Variants in NDFIP1 observed in about 807,000 individuals in gnomAD.
NDFIP1 encodes the protein NEDD4 family-interacting protein 1.
In NDFIP1, 7 loss-of-function variants were observed where a neutral mutation model predicts 28.8. That is an observed-to-expected ratio of 0.24 (90% CI 0.14 to 0.46). The LOEUF (loss-of-function observed/expected upper bound fraction) is 0.46, where lower values mean the gene tolerates loss of function less well. Ranked by LOEUF, NDFIP1 falls within the 20% of genes least tolerant of loss-of-function variation. NDFIP1 has a pLI of 0.99. For synonymous variants in NDFIP1, 92 were observed against 101.0 expected, an observed-to-expected ratio of 0.91 and a Z score of 0.53; for missense variants, 194 against 269.1, an observed-to-expected ratio of 0.72 and a Z score of 1.95.
In NDFIP1 at chr5:142,153,710, A is replaced by G. The variant is rs1358733969; in HGVS notation, c.*1982A>G. 2 of 255,076 alleles carry G rather than the reference A, an allele frequency of 7.8e-6. No homozygotes were observed. Among genetic ancestry groups the G allele is most frequent in the Non-Finnish European group, 1.6e-5 (2 of 127,770 alleles). The allele number at this position is 255,076 out of a possible 1,614,324, so 15.8% of individuals were successfully genotyped here. On this transcript the variant is annotated 3_prime_UTR_variant, in exon 8 of 8. Transcript: ENST00000253814. ...TTCCAGAATGAAAAGATCTGTAACA[A>G]TCTGAATAGATGTGGACACATATAG...
chr5:142,143,808 C>T lies in NDFIP1; in HGVS notation c.563-763C>T, dbSNP rs75795591. 887 of 152,214 alleles carry T rather than the reference C, an allele frequency of 5.8e-3. 6 individuals are homozygous for T. The highest frequency in any genetic ancestry group is 0.017 in the Middle Eastern group (5 of 294). The allele number at this position is 152,214 out of a possible 1,614,324, so 9.4% of individuals were successfully genotyped here. On this transcript the variant is annotated intron_variant, in intron 6 of 7. Transcript: ENST00000253814. ...TTGAGCCTAGGAGTTGAAGGCCAGC[C>T]TGAGCAACATAGCGAGACCCCTATC...
At chr5:142,115,518 C>A (rs927293261) in intron 1 of NDFIP1, among the ~76,000 whole-genome samples, 2 of 152,094 alleles carry the variant, frequency 1.3e-5, no homozygotes, top group Non-Finnish European at 2.9e-5. Context: ...CTCCTGACCT[C>A]AAGTGATCTG....
chr5:142,111,450 C>T, intron 1 of NDFIP1, among the ~76,000 whole-genome samples: 1 of 152,022 alleles, frequency 6.6e-6, no homozygotes. Flanking sequence ...ACGTCTTCAA[C>T]CGTTTCCTTA....
intron 3 of NDFIP1, among the ~76,000 whole-genome samples, chr5:142,134,419 T>C (rs1220087066): frequency 2.0e-5 from 3 of 152,230 alleles, no homozygotes; most frequent in Non-Finnish European, 2.9e-5. Context: ...GAATACTAGG[T>C]ATTTAATGTT....
chr5:142,148,199 T>A lies in NDFIP1; in HGVS notation c.*2+3523T>A, dbSNP rs536540010. Among the ~76,000 whole-genome samples the A allele has an allele frequency of 1.7e-4, 26 of 152,324 alleles. 1 individual carries two copies. Among genetic ancestry groups the A allele is most frequent in the South Asian group, 1.4e-3 (7 of 4,828 alleles). ...AGAATAGTGACTTTTCTAGTCAGGCTACCTGAAATATAGTACAAATAAACC... is the reference window on the plus strand; with the variant it reads ...AGAATAGTGACTTTTCTAGTCAGGCAACCTGAAATATAGTACAAATAAACC... On this transcript the variant is annotated intron_variant, in intron 7 of 7. Transcript: ENST00000253814.
intron 5 of NDFIP1, among the ~76,000 whole-genome samples, chr5:142,138,393 A>G (rs150206917): frequency 1.8e-4 from 27 of 152,368 alleles, no homozygotes; most frequent in Non-Finnish European, 3.2e-4. Flanking sequence ...GTATGTCTTT[A>G]GTGACTTCAG....
intron 1 of NDFIP1, among the ~76,000 whole-genome samples, chr5:142,110,603 G>C (rs1257793013): frequency 6.6e-6 from 1 of 151,608 alleles, no homozygotes; most frequent in Non-Finnish European, 1.5e-5. Context: ...CAGAATTGAA[G>C]TATAAAAAAA....
intron 1 of NDFIP1, among the ~76,000 whole-genome samples, chr5:142,123,256 C>T (rs973088575): frequency 1.3e-5 from 2 of 152,044 alleles, no homozygotes; most frequent in African/African-American, 4.8e-5. Context: ...AGCCACTGTG[C>T]CTGGCCCAAA....
chr5:142,114,878 A>G (rs1028257144), intron 1 of NDFIP1, among the ~76,000 whole-genome samples: 4 of 152,144 alleles, frequency 2.6e-5, no homozygotes, highest in Admixed American at 6.6e-5. Context: ...ACCTGATCCC[A>G]TGGGTGACCA....
chr5:142,137,404 C>T (rs1757287909), intron 4 of NDFIP1, among the ~76,000 whole-genome samples: 1 of 152,092 alleles, frequency 6.6e-6, no homozygotes, highest in Admixed American at 6.6e-5. Flanking sequence ...AGGCTGGTCT[C>T]AAACTGCTGG....
At chr5:142,123,368 A>C (rs1757139967) in intron 1 of NDFIP1, among the ~76,000 whole-genome samples, 1 of 152,126 alleles carries the variant, frequency 6.6e-6, no homozygotes, top group Non-Finnish European at 1.5e-5. Context: ...TCCTGGGCTC[A>C]AGCAGTCCTT....
At chr5:142,140,765 TTGCTTTC>T in intron 6 of NDFIP1, 136 bp downstream of exon 6, 1 of 695,902 alleles carries the variant, frequency 1.4e-6, no homozygotes, top group Non-Finnish European at 2.2e-6. Flanking sequence ...TTTTAAAATG[TTGCTTTC>T]TTAAAAATAG....
At position 142,112,254 on chromosome 5, in the gene NDFIP1, G is replaced by A. The variant is rs184700248; in HGVS notation, c.63+3217G>A. 7.6e-3 allele frequency among the ~76,000 whole-genome samples: 1,112 copies of A among 146,162 alleles called. 10 individuals are homozygous for A. The highest frequency in any genetic ancestry group is 0.027 in the African/African-American group (1,050 of 39,432). On this transcript the variant is annotated intron_variant, in intron 1 of 7. Transcript: ENST00000253814. ...ACAAAAATTAGCTGGGCGTGGTGGC[G>A]TGCACCTGTAGTCCCAGCTACTCAG...
intron 6 of NDFIP1, chr5:142,142,968 T>TATATATATATATATATA (rs1757352438): frequency 5.5e-5 from 7 of 127,976 alleles, no homozygotes; most frequent in African/African-American, 8.6e-5. Flanking sequence ...TATATATATA[T>TATATATATATATATATA]TAATAAGAGT....
At chr5:142,121,918 A>G (rs1307151865) in intron 1 of NDFIP1, among the ~76,000 whole-genome samples, 1 of 152,210 alleles carries the variant, frequency 6.6e-6, no homozygotes, top group Non-Finnish European at 1.5e-5. Flanking sequence ...ATGCTGTGCC[A>G]CTCACTGGTA....
At position 142,140,628 on chromosome 5, in the gene NDFIP1, A is replaced by C. The variant is rs766779149; in HGVS notation, c.561A>C (p.Leu187Phe). The change falls in exon 6 of 8, where the codon TTA (leucine) becomes TTC (phenylalanine). Residue 187 changes from leucine to phenylalanine, a missense_variant and splice_region_variant. By Grantham distance (22) the Leu-to-Phe change is conservative (BLOSUM62 0). Transcript: ENST00000253814. ...QYWLWWVFLV[L>F]GFLLFLRGFI... ...GGCTCTGGTGGGTGTTCCTTGTTTT[A>C]GGTAAGTGTTTTTAATGTAAGAAAA... The C allele has an allele frequency of 1.2e-6, 2 of 1,608,644 alleles. No individual in the cohort carries two copies. The highest frequency in any genetic ancestry group is 2.2e-5 in the South Asian group (2 of 89,418).
rs1435571865 is a variant in NDFIP1, at chr5:142,153,234, AGTT to A, written c.*1510_*1512del. 5 of 454,098 alleles carry A rather than the reference AGTT, an allele frequency of 1.1e-5. No homozygotes were observed. In the Admixed American group the frequency reaches 1.2e-4, roughly 11 times the overall value. 28.1% of individuals were successfully genotyped at this position (454,098 alleles called of 1,614,324 possible). A position where few individuals can be genotyped will look rare whatever the true frequency, so the allele number is the denominator to read the frequency against. On this transcript the variant is annotated 3_prime_UTR_variant, in exon 8 of 8. Transcript: ENST00000253814. ...TGTCTCAATCTTAAATTTAGAGACC[AGTT>A]GTTTTTATGATATCAGCCATTTGAT... is the stretch of plus-strand genomic sequence containing the variant.
intron 7 of NDFIP1, among the ~76,000 whole-genome samples, chr5:142,147,500 G>A (rs1222173490): frequency 6.6e-6 from 1 of 152,122 alleles, no homozygotes; most frequent in African/African-American, 2.4e-5. Flanking sequence ...TCCAACATCA[G>A]GTTAGATAAG....
In NDFIP1 at chr5:142,153,991, G is replaced by A. The variant is rs537820757; in HGVS notation, c.*2263G>A. ...TTAAGAGGATGATTTCTCTTTAATC[G>A]TTTAAATGTTCTGAAAATTAAAATC... is the stretch of plus-strand genomic sequence containing the variant. On this transcript the variant is annotated 3_prime_UTR_variant, in exon 8 of 8. Coordinates refer to ENST00000253814, the MANE Select transcript of NDFIP1 (RefSeq NM_030571.4). 2 of 152,418 alleles carry A rather than the reference G, an allele frequency of 1.3e-5. No individual in the cohort carries two copies. The highest frequency in any genetic ancestry group is 2.1e-4 in the South Asian group (1 of 4,828). 9.4% of individuals were successfully genotyped at this position (152,418 alleles called of 1,614,324 possible).
Sources: gnomAD v4.1 joint callset for allele counts (sites outside exome capture counted in the v4.1 genomes callset) on GRCh38, gnomAD v4.1.1 for gene constraint, MANE v1.5 for transcripts, NCBI Gene and HGNC (gene_info 2026-07-23, HGNC 2026-07-21) for gene names.